STK32C: variants seen among roughly 807,000 people sequenced by gnomAD.
STK32C encodes serine/threonine kinase 32C.
In STK32C, 31 loss-of-function variants were observed where a neutral mutation model predicts 56.5. The ratio of observed to expected loss-of-function variants is 0.55; its 90% CI spans 0.41 to 0.74. The LOEUF (loss-of-function observed/expected upper bound fraction) is 0.74, where lower values mean the gene tolerates loss of function less well. STK32C is among the 30% of genes least tolerant of loss of function. STK32C has a pLI of 0.00. For missense variants in STK32C, 544 were observed against 676.9 expected (o/e 0.80, Z 2.18); for synonymous variants, 309 against 289.4 (o/e 1.07, Z -0.69).
chr10:132,271,756 G>A (rs1308569804), intron 1 of STK32C, among the ~76,000 whole-genome samples: 8 of 152,210 alleles, frequency 5.3e-5, no homozygotes, highest in East Asian at 3.9e-4. Context: ...CGCCCTCCCC[G>A]ACACCCCACA....
intron 1 of STK32C, among the ~76,000 whole-genome samples, chr10:132,326,472 T>C (rs977052834): frequency 1.3e-5 from 2 of 152,224 alleles, no homozygotes; most frequent in Non-Finnish European, 2.9e-5. Flanking sequence ...GTTGGAATTA[T>C]GGGTGCACGC....
chr10:132,280,272 G>A (rs1306717320), intron 1 of STK32C, among the ~76,000 whole-genome samples: 2 of 130,832 alleles, frequency 1.5e-5, no homozygotes, highest in South Asian at 2.5e-4. Flanking sequence ...CCGTGACCAC[G>A]CCCCTGCACC....
At chr10:132,220,592 C>T (rs570481275) in intron 10 of STK32C, among the ~76,000 whole-genome samples, 4 of 152,346 alleles carry the variant, frequency 2.6e-5, no homozygotes, top group Non-Finnish European at 2.9e-5. Flanking sequence ...CCCATCCATG[C>T]TGGAAGAACC....
chr10:132,211,052 G>A (rs1055922088), intron 10 of STK32C, among the ~76,000 whole-genome samples: 6 of 152,166 alleles, frequency 3.9e-5, no homozygotes, highest in African/African-American at 1.4e-4. Flanking sequence ...CTCTCCATGT[G>A]GCTCTCTCCC....
intron 1 of STK32C, among the ~76,000 whole-genome samples, chr10:132,272,409 T>C (rs987634469): frequency 2.6e-5 from 4 of 152,108 alleles, no homozygotes; most frequent in Admixed American, 6.5e-5. Flanking sequence ...CCCGAGCAAA[T>C]GAATACAATG....
rs371822541 is a variant in STK32C at position 132,263,259 on chromosome 10, G to C, written c.263-17304C>G. On this transcript the variant is annotated intron_variant, in intron 1 of 11. Coordinates refer to ENST00000298630, the MANE Select transcript of STK32C (RefSeq NM_173575.4). ...ATACACCATGGCATATCACACAATC[G>C]TAAAAAAGAGCAAGATTATGGCCTC... Among the ~76,000 whole-genome samples the C allele has an allele frequency of 2.6e-5, 4 of 152,102 alleles. No individual in the cohort carries two copies. In the South Asian group the frequency reaches 6.2e-4, roughly 24 times the overall value.
At chr10:132,248,972 A>G (rs1489565096) in intron 1 of STK32C, 1 of 457,064 alleles carries the variant, frequency 2.2e-6, no homozygotes, top group Non-Finnish European at 4.4e-6. Flanking sequence ...AATCTATTAA[A>G]TAACAAGTCA....
intron 2 of STK32C, among the ~76,000 whole-genome samples, chr10:132,244,329 C>T (rs368513375): frequency 3.3e-5 from 5 of 152,222 alleles, no homozygotes; most frequent in Non-Finnish European, 5.9e-5. Flanking sequence ...GGCCAGCTGG[C>T]GTTTCCGAGC....
exon 2 of STK32C, chr10:132,324,235 TACACACCCCCTCTTGATGGGCCACAGA>T (rs2066456839): frequency 2.6e-6 from 2 of 779,740 alleles, no homozygotes; most frequent in Non-Finnish European, 4.8e-6. Context: ...AACAATTCAT[TACACACCCCCTCTTGATGGGCCACAGA>T]ACACACCCCC....
At chr10:132,279,111 T>C (rs1315378153) in intron 1 of STK32C, among the ~76,000 whole-genome samples, 3 of 152,160 alleles carry the variant, frequency 2.0e-5, no homozygotes, top group Non-Finnish European at 4.4e-5. Flanking sequence ...CAGTGATCAA[T>C]AGTCCAGCTG....
intron 2 of STK32C, among the ~76,000 whole-genome samples, chr10:132,230,503 G>A (rs559185223): frequency 1.4e-4 from 21 of 152,246 alleles, no homozygotes; most frequent in Middle Eastern, 6.8e-3. Flanking sequence ...GGCTCAAGGC[G>A]GCCACTGCAG....
intron 2 of STK32C, among the ~76,000 whole-genome samples, chr10:132,244,084 C>T (rs1310843579): frequency 6.6e-6 from 1 of 152,204 alleles, no homozygotes; most frequent in Non-Finnish European, 1.5e-5. Flanking sequence ...GGGGTCATTG[C>T]CTTGGCCAGT....
At chr10:132,269,969 G>A (rs1422698585) in intron 1 of STK32C, among the ~76,000 whole-genome samples, 5 of 152,242 alleles carry the variant, frequency 3.3e-5, no homozygotes, top group African/African-American at 1.2e-4. Flanking sequence ...CTGACGACCT[G>A]AGCCCTCCCC....
downstream of STK32C, among the ~76,000 whole-genome samples, chr10:132,320,875 G>A (rs149350686): frequency 7.9e-5 from 12 of 152,326 alleles, no homozygotes; most frequent in Admixed American, 5.9e-4. Context: ...CAGTCCTGGC[G>A]CATCTGGGTG....
intron 10 of STK32C, among the ~76,000 whole-genome samples, chr10:132,211,382 G>A (rs958678342): frequency 2.0e-5 from 3 of 152,226 alleles, no homozygotes; most frequent in Admixed American, 2.0e-4. Flanking sequence ...GGCCCTGTGT[G>A]CAGCCCAGTG....
chr10:132,253,451 G>A lies in STK32C; in HGVS notation c.263-7496C>T, dbSNP rs574741992. On this transcript the variant is annotated intron_variant, in intron 1 of 11. Transcript: ENST00000298630. ...GGAGTCGAGGGAGCTGGAGGGAGTC[G>A]AGGGAACTGGAGGGAGCTGGAGGGA... 3.5e-4 allele frequency among the ~76,000 whole-genome samples: 52 copies of A among 148,214 alleles called. 1 individual carries two copies. The South Asian group carries it at 0.01, about 29-fold the overall frequency.
intron 11 of STK32C, among the ~76,000 whole-genome samples, chr10:132,208,482 A>G (rs771157672): frequency 1.3e-5 from 2 of 152,188 alleles, no homozygotes; most frequent in Non-Finnish European, 2.9e-5. Context: ...CCAGGGTGCC[A>G]GTCAGTGCCC....
downstream of STK32C, among the ~76,000 whole-genome samples, chr10:132,319,848 C>G (rs1184364343): frequency 6.6e-6 from 1 of 151,118 alleles, no homozygotes; most frequent in Non-Finnish European, 1.5e-5. Flanking sequence ...TCTATTGAGG[C>G]ATAATTTACA....
chr10:132,272,871 C>T (rs1229553549), intron 1 of STK32C, among the ~76,000 whole-genome samples: 3 of 152,204 alleles, frequency 2.0e-5, no homozygotes, highest in African/African-American at 7.2e-5. Flanking sequence ...CCCCTCTGGC[C>T]TCGGCTCCTC....
Sources: gnomAD v4.1 joint callset for allele counts (sites outside exome capture counted in the v4.1 genomes callset) on GRCh38, gnomAD v4.1.1 for gene constraint, MANE v1.5 for transcripts, NCBI Gene and HGNC (gene_info 2026-07-23, HGNC 2026-07-21) for gene names.